Variants in NAV2 observed in about 807,000 individuals in gnomAD.
NAV2 encodes helicase, APC down-regulated 1.
In NAV2, 54 loss-of-function variants were observed where a neutral mutation model predicts 223.2. That is an observed-to-expected ratio of 0.24 (90% CI 0.19 to 0.30). The LOEUF is 0.30. NAV2 is among the 10% of genes least tolerant of loss of function. NAV2 has a pLI of 1.00. For synonymous variants in NAV2, 1,279 were observed against 1,239.3 expected (o/e 1.03, Z -0.67); for missense variants, 2,806 against 3,147.5 (o/e 0.89, Z 2.60).
chr11:19,995,027 G>A (rs1355496413), intron 11 of NAV2, among the ~76,000 whole-genome samples: 3 of 152,176 alleles, frequency 2.0e-5, no homozygotes, highest in Non-Finnish European at 4.4e-5. Context: ...TTTATTTGGT[G>A]ATGATTATGA....
intron 1 of NAV2, among the ~76,000 whole-genome samples, chr11:19,489,762 C>G (rs1205766456): frequency 6.6e-6 from 1 of 152,176 alleles, no homozygotes; most frequent in African/African-American, 2.4e-5. Context: ...TATAATATTT[C>G]TAACAAAGAT....
At chr11:19,894,059 G>A (rs2041743068) in intron 6 of NAV2, among the ~76,000 whole-genome samples, 1 of 152,104 alleles carries the variant, frequency 6.6e-6, no homozygotes, top group African/African-American at 2.4e-5. Context: ...ATATATATAT[G>A]TAACAGAAAG....
At chr11:20,086,204 T>C (rs1230558866) in intron 26 of NAV2, among the ~76,000 whole-genome samples, 1 of 152,092 alleles carries the variant, frequency 6.6e-6, no homozygotes, top group Non-Finnish European at 1.5e-5. Flanking sequence ...GAATATGAGA[T>C]AATCTGAATT....
At position 19,874,633 on chromosome 11, in the gene NAV2, T is replaced by C. The variant is rs1232046442; in HGVS notation, c.512-5236T>C. On this transcript the variant is annotated intron_variant, in intron 4 of 37. Coordinates refer to ENST00000349880, the MANE Select transcript of NAV2 (RefSeq NM_145117.5). ...TGGAAATATGGAAAGAATATAATTC[T>C]AGCTATTTTAGATACTGTCTGCTAT... 2.6e-5 allele frequency among the ~76,000 whole-genome samples: 4 copies of C among 152,208 alleles called. No homozygotes were observed. In the South Asian group the frequency reaches 8.3e-4, roughly 32 times the overall value.
rs142888899 is a variant in NAV2 at position 19,988,269 on chromosome 11, T to C, written c.2768+4022T>C. Among the ~76,000 whole-genome samples, 473 of 152,282 alleles carry C rather than the reference T, an allele frequency of 3.1e-3. 3 individuals are homozygous for C. Among genetic ancestry groups the C allele is most frequent in the Admixed American group, 7.0e-3 (107 of 15,304 alleles). On this transcript the variant is annotated intron_variant, in intron 11 of 37. Coordinates refer to ENST00000349880, the MANE Select transcript of NAV2 (RefSeq NM_145117.5). ...TCATCCCAAGATCACATAAACGCCATTGAGAGCACAACGAGGACAGAAATC... is the reference window on the plus strand; with the variant it reads ...TCATCCCAAGATCACATAAACGCCACTGAGAGCACAACGAGGACAGAAATC...
rs752635077 is a variant in NAV2 at position 19,713,831 on chromosome 11, G to T, written c.136G>T (p.Glu46Ter). The T allele has an allele frequency of 6.2e-7, 1 of 1,613,382 alleles. No individual in the cohort carries two copies. Among genetic ancestry groups the T allele is most frequent in the Admixed American group, 1.7e-5 (1 of 60,006 alleles). The part of the protein sequence containing the change: ...PCYLKLGSKV[E>*]VSKTTYPSQI... ...CTACCTGAAGTTGGGAAGCAAGGTG[G>T]AGGTGAGCAAGACCACCTATCCTAG... Residue 46 changes from glutamate (E) to a stop codon, truncating the protein, a stop_gained, in exon 1 of 38, where the codon GAG (glutamate) becomes TAG (stop). Coordinates refer to ENST00000349880, the MANE Select transcript of NAV2 (RefSeq NM_145117.5). LOFTEE classifies it high-confidence loss of function. This position sits in a 1 kb window ranked among gnomAD's most constrained non-coding sequence, Gnocchi z 7.2.
In NAV2 at chr11:19,373,346, G is replaced by A. The variant is rs866723968; in HGVS notation, c.75+22319G>A. On this transcript the variant is annotated intron_variant, in intron 1 of 37. Transcript: ENST00000360655. ...CTGGAAGTCTGAGAGGCACTCCAAG[G>A]TCTGGCCTCTGCCTGCCTCTCCCCT... 2.6e-5 allele frequency among the ~76,000 whole-genome samples: 4 copies of A among 152,158 alleles called. No homozygotes were observed. The South Asian group carries it at 6.2e-4, about 24-fold the overall frequency.
chr11:19,437,361 CA>C (rs1205887490), intron 1 of NAV2, among the ~76,000 whole-genome samples: 3 of 152,058 alleles, frequency 2.0e-5, no homozygotes, highest in Non-Finnish European at 4.4e-5. Flanking sequence ...GTCTTGGTGT[CA>C]TCCTTTAAAT....
intron 1 of NAV2, among the ~76,000 whole-genome samples, chr11:19,484,158 A>ACACCCC (rs1554945487): frequency 2.7e-5 from 4 of 149,968 alleles, no homozygotes; most frequent in Non-Finnish European, 5.9e-5. Flanking sequence ...ACACACACAC[A>ACACCCC]CCCCAAGTCT....
At chr11:19,354,784 G>A (rs1023111039) in intron 1 of NAV2, among the ~76,000 whole-genome samples, 4 of 152,234 alleles carry the variant, frequency 2.6e-5, no homozygotes, top group African/African-American at 9.6e-5. Flanking sequence ...CTGAGGAGGT[G>A]TCTTCTGAGC....
Position 19,974,304 on chromosome 11 carries a change from G to A in NAV2, c.2646-9821G>A, listed in dbSNP as rs1019634085. Among the ~76,000 whole-genome samples the A allele has an allele frequency of 3.9e-5, 6 of 152,344 alleles. No homozygotes were observed. The East Asian group carries it at 1.2e-3, about 29-fold the overall frequency. ...GCAGACTTGGGGGAAAGGATGAATA[G>A]GTGGAGCATGGGGCATTTTTAAGGT... On this transcript the variant is annotated intron_variant, in intron 10 of 37. Transcript: ENST00000349880.
intron 1 of NAV2, among the ~76,000 whole-genome samples, chr11:19,677,329 G>A (rs1408079767): frequency 6.6e-5 from 10 of 152,266 alleles, no homozygotes; most frequent in Admixed American, 3.3e-4. Context: ...CAGGGTGACA[G>A]CTTGCAGAGG....
intron 37 of NAV2, among the ~76,000 whole-genome samples, chr11:20,116,267 AAAT>A (rs1246151627): frequency 1.3e-5 from 2 of 152,234 alleles, no homozygotes; most frequent in Non-Finnish European, 2.9e-5. Context: ...TAGATTAAAA[AAAT>A]AATAATAATA....
At chr11:19,584,682 A>G (rs2045835955) in intron 1 of NAV2, among the ~76,000 whole-genome samples, 2 of 152,108 alleles carry the variant, frequency 1.3e-5, no homozygotes, top group South Asian at 2.1e-4. Context: ...CATGTAGTTG[A>G]GCAGTTTTGA....
chr11:19,545,316 C>T (rs1464550545), intron 1 of NAV2, among the ~76,000 whole-genome samples: 1 of 152,238 alleles, frequency 6.6e-6, no homozygotes, highest in African/African-American at 2.4e-5. Flanking sequence ...CTGAATTATT[C>T]ATGACATGTG....
intron 1 of NAV2, among the ~76,000 whole-genome samples, chr11:19,377,001 C>A (rs1254069110): frequency 3.9e-5 from 6 of 152,124 alleles, no homozygotes; most frequent in Admixed American, 3.3e-4. Context: ...AAAGGCATTC[C>A]CAGTGAAGGA....
At chr11:20,011,584 G>C (rs1415699120) in intron 11 of NAV2, among the ~76,000 whole-genome samples, 1 of 152,216 alleles carries the variant, frequency 6.6e-6, no homozygotes, top group African/African-American at 2.4e-5. Flanking sequence ...CATCGCTTAA[G>C]CAACGTGTCC....
intron 1 of NAV2, among the ~76,000 whole-genome samples, chr11:19,403,813 C>T (rs80275708): frequency 3.3e-5 from 5 of 151,860 alleles, no homozygotes; most frequent in Admixed American, 6.6e-5. Flanking sequence ...GAAGGGATAT[C>T]GAGTGTGGGG....
intron 1 of NAV2, among the ~76,000 whole-genome samples, chr11:19,800,672 G>GGGGTGT (rs1555063720): frequency 6.9e-6 from 1 of 145,846 alleles, no homozygotes; most frequent in South Asian, 2.2e-4. Flanking sequence ...AAGGAGAATG[G>GGGGTGT]GTGTGTGTGT....
Sources: gnomAD v4.1 joint callset for allele counts (sites outside exome capture counted in the v4.1 genomes callset) on GRCh38, gnomAD v4.1.1 for gene constraint, Gnocchi (gnomAD v3.1) non-coding constraint, MANE v1.5 for transcripts, NCBI Gene and HGNC (gene_info 2026-07-23, HGNC 2026-07-21) for gene names.